The following CFAP47 variants were observed in gnomAD, a reference collection of about 807,000 sequenced individuals.
CFAP47 encodes cilia- and flagella-associated protein 47.
CFAP47 carries 29 observed loss-of-function variants against 148.1 expected under a neutral mutation model. The ratio of observed to expected loss-of-function variants is 0.20; its 90% CI spans 0.15 to 0.27. CFAP47 has a LOEUF of 0.27. Among genes scored for constraint, CFAP47 ranks in the 10% least tolerant of loss-of-function variants. The pLI, the probability that CFAP47 is intolerant of heterozygous loss-of-function variation, is 1.00. For synonymous variants in CFAP47, 664 were observed against 577.3 expected (o/e 1.15, Z -2.15); for missense variants, 1,872 against 1,697.5 (o/e 1.10, Z -1.81).
intron 8 of CFAP47, among the ~76,000 whole-genome samples, chrX:35,964,513 A>G (rs1936375857): frequency 9.0e-6 from 1 of 111,095 alleles, no homozygotes; most frequent in African/African-American, 3.3e-5. Flanking sequence ...AAGTTTTTGA[A>G]CTTTTCATCT....
At chrX:35,960,820 ATCTT>A (rs756338916) in intron 8 of CFAP47, among the ~76,000 whole-genome samples, 2 of 111,401 alleles carry the variant, frequency 1.8e-5, no homozygotes, top group South Asian at 7.5e-4. Flanking sequence ...GTCACTTTAC[ATCTT>A]TCTTTCTAAT....
In CFAP47 at chrX:36,379,765, A is replaced by G. The variant is rs782026891; in HGVS notation, c.9354+247A>G. 1.4e-5 allele frequency: 4 copies of G among 281,465 alleles called. No homozygotes were observed. The South Asian group carries it at 2.2e-4, about 15-fold the overall frequency. 23.2% of individuals were successfully genotyped at this position (281,465 alleles called of 1,213,427 possible). A position where few individuals can be genotyped will look rare whatever the true frequency, so the allele number is the denominator to read the frequency against. ...AAGTTAAAAAAAATACTTTCCTTCC[A>G]TATTAAGGAACTTTAGAACAGACAA... On this transcript the variant is annotated intron_variant, in intron 63 of 63. Transcript: ENST00000378653.
chrX:35,991,398 A>T (rs887413448), intron 16 of CFAP47, among the ~76,000 whole-genome samples: 4 of 110,444 alleles, frequency 3.6e-5, no homozygotes, highest in Non-Finnish European at 7.6e-5. Flanking sequence ...ATTATTTATG[A>T]TTACCACCAG....
chrX:36,214,855 C>T (rs1940142423), intron 45 of CFAP47, among the ~76,000 whole-genome samples: 1 of 111,004 alleles, frequency 9.0e-6, no homozygotes, highest in African/African-American at 3.3e-5. Context: ...GAAGTAACTG[C>T]CTGAGACTAT....
At chrX:36,085,204 T>A (rs1056368523) in intron 29 of CFAP47, 110 bp from the exon 30 acceptor site, 2 of 474,880 alleles carry the variant, frequency 4.2e-6, no homozygotes, top group Non-Finnish European at 7.3e-6. Context: ...AGTTTCTTAC[T>A]TAGTTGATTT....
chrX:36,378,504 C>A (rs975652672), intron 62 of CFAP47, among the ~76,000 whole-genome samples: 42 of 111,804 alleles, frequency 3.8e-4, no homozygotes, highest in African/African-American at 1.2e-3. Flanking sequence ...TTGAATAGTT[C>A]CAATTTGTAT....
At chrX:36,175,296 C>T (rs1164133030) in intron 39 of CFAP47, among the ~76,000 whole-genome samples, 5 of 112,387 alleles carry the variant, frequency 4.4e-5, no homozygotes, top group African/African-American at 1.6e-4. Context: ...CTTCTTCTCT[C>T]AGCTCATCAA....
intron 27 of CFAP47, among the ~76,000 whole-genome samples, chrX:36,069,214 C>T (rs1937700269): frequency 9.0e-6 from 1 of 110,726 alleles, no homozygotes; most frequent in Non-Finnish European, 1.9e-5. Flanking sequence ...TAATAGAATA[C>T]TGATAATATC....
chrX:36,251,252 G>C (rs1447384892), intron 48 of CFAP47, 81 bp from the exon 49 acceptor site: 22 of 313,889 alleles, frequency 7.0e-5, no homozygotes, highest in Non-Finnish European at 1.2e-4. Context: ...GCTTTAACTT[G>C]TTACAGTAAT....
chrX:36,109,963 G>T (rs1279695491), intron 33 of CFAP47, among the ~76,000 whole-genome samples: 2 of 111,025 alleles, frequency 1.8e-5, no homozygotes, highest in Non-Finnish European at 3.8e-5. Context: ...GTTTCTTTTT[G>T]GCTTGTAAAT....
chrX:36,351,715 T>A (rs1033005847), intron 59 of CFAP47, among the ~76,000 whole-genome samples: 2 of 112,062 alleles, frequency 1.8e-5, no homozygotes, highest in African/African-American at 3.2e-5. Flanking sequence ...TGTGTTAGAT[T>A]AGCACAACCT....
At chrX:35,979,222 G>A (rs957640347) in intron 15 of CFAP47, among the ~76,000 whole-genome samples, 1 of 110,769 alleles carries the variant, frequency 9.0e-6, no homozygotes, top group Non-Finnish European at 1.9e-5. Flanking sequence ...CAGGTGATCC[G>A]CCTGCCTCGG....
intron 57 of CFAP47, among the ~76,000 whole-genome samples, chrX:36,341,810 T>C (rs1556015815): frequency 9.0e-6 from 1 of 110,975 alleles, no homozygotes; most frequent in South Asian, 3.8e-4. Flanking sequence ...TCAGGGTTTC[T>C]AAAATTCAAA....
intron 1 of CFAP47, among the ~76,000 whole-genome samples, chrX:35,925,760 A>T (rs1569202921): frequency 1.8e-5 from 2 of 111,923 alleles, no homozygotes; most frequent in East Asian, 5.7e-4. Context: ...GGGTTCAAAC[A>T]GTTCCCCTGC....
At chrX:36,156,808 A>C (rs961715993) in intron 37 of CFAP47, among the ~76,000 whole-genome samples, 2 of 111,601 alleles carry the variant, frequency 1.8e-5, no homozygotes, top group Non-Finnish European at 3.8e-5. Flanking sequence ...GGTCATTTAC[A>C]TGCTTCAATA....
chrX:36,006,735 G>C lies in CFAP47; in HGVS notation c.3417+5028G>C, dbSNP rs542788893. 3.5e-4 allele frequency among the ~76,000 whole-genome samples: 39 copies of C among 111,912 alleles called. No individual in the cohort carries two copies. The South Asian group carries it at 5.9e-3, about 17-fold the overall frequency. ...GTATTTGGCATTTTCAAATGGATTT[G>C]TTTATTTTCTGTAAGTCACTCAAGC... On this transcript the variant is annotated intron_variant, in intron 21 of 63. Transcript: ENST00000378653.
chrX:36,234,403 G>A (rs782076303), intron 46 of CFAP47, among the ~76,000 whole-genome samples: 5 of 111,497 alleles, frequency 4.5e-5, no homozygotes, highest in East Asian at 2.8e-4. Context: ...CCAGTTGATC[G>A]CATCGGCTCC....
intron 48 of CFAP47, among the ~76,000 whole-genome samples, chrX:36,248,805 T>G (rs1452651570): frequency 9.0e-6 from 1 of 110,616 alleles, no homozygotes; most frequent in Non-Finnish European, 1.9e-5. Flanking sequence ...CCTTAATAAA[T>G]TTAAAAGCGA....
chrX:35,926,255 A>G (rs1789081781), intron 2 of CFAP47, 87 bp downstream of exon 2: 19 of 767,572 alleles, frequency 2.5e-5, no homozygotes, highest in Non-Finnish European at 3.4e-5. Context: ...ATTTTTTCTG[A>G]CATAGTTTCC....
Sources: gnomAD v4.1 joint callset for allele counts (sites outside exome capture counted in the v4.1 genomes callset) on GRCh38, gnomAD v4.1.1 for gene constraint, MANE v1.5 for transcripts, NCBI Gene and HGNC (gene_info 2026-07-23, HGNC 2026-07-21) for gene names.